Variants in MBNL2 observed in about 807,000 individuals in gnomAD.
MBNL2 encodes muscleblind like splicing regulator 2, also known as muscleblind-like protein 2.
Under a neutral mutation model 41.9 loss-of-function variants are expected in MBNL2, and 17 were observed. The observed-to-expected ratio is 0.41, with a 90% confidence interval of 0.28 to 0.61. The LOEUF is 0.61. MBNL2 is among the 20% of genes least tolerant of loss of function. The pLI is 0.35. For synonymous variants in MBNL2, 195 were observed against 182.9 expected, an observed-to-expected ratio of 1.07 and a Z score of -0.53; for missense variants, 336 against 505.6, an observed-to-expected ratio of 0.66 and a Z score of 3.22.
intron 8 of MBNL2, among the ~76,000 whole-genome samples, chr13:97,379,633 A>G (rs953636439): frequency 4.8e-5 from 7 of 144,960 alleles, no homozygotes; most frequent in Admixed American, 3.4e-4. Flanking sequence ...ATGTACAAGC[A>G]GAAAGAGCCA....
At chr13:97,367,748 C>T (rs932877760) in intron 8 of MBNL2, among the ~76,000 whole-genome samples, 13 of 152,054 alleles carry the variant, frequency 8.5e-5, no homozygotes, top group African/African-American at 3.1e-4. Context: ...GAGGGGAGGC[C>T]GAACAGCAGT....
At chr13:97,371,443 G>C (rs2064366514) in intron 8 of MBNL2, among the ~76,000 whole-genome samples, 1 of 152,102 alleles carries the variant, frequency 6.6e-6, no homozygotes, top group Non-Finnish European at 1.5e-5. Context: ...AAAGAAAGCT[G>C]GGGAAGTATC....
intron 1 of MBNL2, among the ~76,000 whole-genome samples, chr13:97,236,714 C>T (rs2043346901): frequency 6.6e-6 from 1 of 152,096 alleles, no homozygotes; most frequent in African/African-American, 2.4e-5. Flanking sequence ...ATAATCAGAA[C>T]CATGAAGGGT....
At chr13:97,317,403 C>T (rs140095190) in intron 2 of MBNL2, among the ~76,000 whole-genome samples, 191 of 152,286 alleles carry the variant, frequency 1.3e-3, no homozygotes, top group East Asian at 6.9e-3. Flanking sequence ...AGGACAGGCA[C>T]GTGTTTCATA....
intron 7 of MBNL2, among the ~76,000 whole-genome samples, chr13:97,358,080 T>C (rs2063128446): frequency 6.6e-6 from 1 of 152,226 alleles, no homozygotes; most frequent in African/African-American, 2.4e-5. Context: ...AATTCTCTAC[T>C]CATATTTTTA....
intron 2 of MBNL2, among the ~76,000 whole-genome samples, chr13:97,325,412 G>T (rs2059829090): frequency 6.6e-6 from 1 of 152,174 alleles, no homozygotes; most frequent in African/African-American, 2.4e-5. Flanking sequence ...AATTGGAACT[G>T]CCCAGCCAAC....
the MBNL2 span, among the ~76,000 whole-genome samples, chr13:97,178,223 G>T: frequency 1.3e-5 from 2 of 152,226 alleles, no homozygotes; most frequent in Non-Finnish European, 2.9e-5. Context: ...GATGGAGGAT[G>T]ACACTGAGAA....
intron 1 of MBNL2, among the ~76,000 whole-genome samples, chr13:97,255,629 G>C (rs12323277): frequency 0.033 from 5,079 of 152,262 alleles, 116 homozygotes; most frequent in South Asian, 0.11. Flanking sequence ...GAGGCTACCC[G>C]TAGATGGCAG....
intron 1 of MBNL2, among the ~76,000 whole-genome samples, chr13:97,243,482 G>T (rs1003300887): frequency 6.6e-6 from 1 of 152,236 alleles, no homozygotes; most frequent in East Asian, 1.9e-4. Flanking sequence ...GGCTGGCTGG[G>T]GTAGTAGGGG....
At chr13:97,205,707 A>C in the MBNL2 span, among the ~76,000 whole-genome samples, 1 of 152,190 alleles carries the variant, frequency 6.6e-6, no homozygotes, top group Non-Finnish European at 1.5e-5. Context: ...GTAAACAGTT[A>C]AGACAGTTGA....
chr13:97,293,567 G>A (rs1014124874), intron 2 of MBNL2, among the ~76,000 whole-genome samples: 1 of 152,054 alleles, frequency 6.6e-6, no homozygotes, highest in African/African-American at 2.4e-5. Flanking sequence ...AGTGCTTTGT[G>A]CCTGTAATTA....
intron 2 of MBNL2, among the ~76,000 whole-genome samples, chr13:97,278,792 TATTTA>T (rs1433892206): frequency 6.6e-6 from 1 of 152,236 alleles, no homozygotes; most frequent in Non-Finnish European, 1.5e-5. Context: ...AATTTCAGGT[TATTTA>T]ATTTGAGTGC....
At chr13:97,212,097 T>G in the MBNL2 span, among the ~76,000 whole-genome samples, 1 of 152,202 alleles carries the variant, frequency 6.6e-6, no homozygotes. Context: ...CACCGTGCTA[T>G]GGCTCTTGAT....
intron 2 of MBNL2, among the ~76,000 whole-genome samples, chr13:97,332,358 CA>C (rs1338757359): frequency 6.6e-6 from 1 of 152,154 alleles, no homozygotes; most frequent in Admixed American, 6.5e-5. Context: ...TGTATTTGGC[CA>C]CCTGATATAA....
chr13:97,201,220 A>G, the MBNL2 span, among the ~76,000 whole-genome samples: 1 of 152,192 alleles, frequency 6.6e-6, no homozygotes, highest in Non-Finnish European at 1.5e-5. Flanking sequence ...TGGGACTTCA[A>G]AAGACCATCT....
upstream of MBNL2, among the ~76,000 whole-genome samples, chr13:97,220,884 A>G (rs2040803115): frequency 6.6e-6 from 1 of 152,248 alleles, no homozygotes; most frequent in African/African-American, 2.4e-5. Flanking sequence ...GTTTAAGTAT[A>G]TTAATAATTA....
At chr13:97,362,584 A>G (rs965732527) in intron 7 of MBNL2, among the ~76,000 whole-genome samples, 2 of 152,124 alleles carry the variant, frequency 1.3e-5, no homozygotes, top group African/African-American at 4.8e-5. Context: ...GGTGCCAGGG[A>G]GGTGTAAGAT....
intron 1 of MBNL2, among the ~76,000 whole-genome samples, chr13:97,237,471 C>T (rs1222470486): frequency 6.6e-6 from 1 of 152,186 alleles, no homozygotes; most frequent in Admixed American, 6.5e-5. Flanking sequence ...TTATACTCTA[C>T]CGTTACAGGT....
chr13:97,212,499 C>A, the MBNL2 span, among the ~76,000 whole-genome samples: 5,780 of 152,194 alleles, frequency 0.038, 192 homozygotes, highest in South Asian at 0.14. Context: ...TTGCACTTAG[C>A]ACCTTCTGAT....
Sources: gnomAD v4.1 joint callset for allele counts (sites outside exome capture counted in the v4.1 genomes callset) on GRCh38, gnomAD v4.1.1 for gene constraint, MANE v1.5 for transcripts, NCBI Gene and HGNC (gene_info 2026-07-23, HGNC 2026-07-21) for gene names.